ADAMTS12: variants seen among roughly 807,000 people sequenced by gnomAD.
The protein encoded by ADAMTS12 is A disintegrin and metalloproteinase with thrombospondin motifs 12.
Under a neutral mutation model 167.8 loss-of-function variants are expected in ADAMTS12, and 118 were observed. The observed-to-expected ratio is 0.70, with a 90% CI of 0.61 to 0.82. The LOEUF is 0.82. ADAMTS12 is among the 40% of genes least tolerant of loss of function. The pLI is 0.00. For synonymous variants in ADAMTS12, 704 were observed against 716.9 expected, an observed-to-expected ratio of 0.98 and a Z score of 0.29; for missense variants, 1,916 against 1,998.8, an observed-to-expected ratio of 0.96 and a Z score of 0.79.
chr5:33,717,054 T>G (rs889010925), intron 3 of ADAMTS12, among the ~76,000 whole-genome samples: 1 of 151,922 alleles, frequency 6.6e-6, no homozygotes, highest in Non-Finnish European at 1.5e-5. Context: ...CCCTATAGAG[T>G]TATGACTCTA....
chr5:33,672,624 C>T (rs1238570537), intron 5 of ADAMTS12, among the ~76,000 whole-genome samples: 1 of 152,174 alleles, frequency 6.6e-6, no homozygotes, highest in Admixed American at 6.5e-5. Flanking sequence ...GCTTCAATCA[C>T]CAGTTTGAAA....
intron 20 of ADAMTS12, 119 bp from the exon 21 acceptor site, chr5:33,549,502 C>T (rs1278600110): frequency 9.7e-6 from 12 of 1,231,102 alleles, no homozygotes; most frequent in African/African-American, 1.5e-5. Flanking sequence ...GGTCTAGTTC[C>T]GGTGAACCCT....
At chr5:33,732,083 A>G (rs1330101986) in intron 3 of ADAMTS12, among the ~76,000 whole-genome samples, 1 of 152,164 alleles carries the variant, frequency 6.6e-6, no homozygotes, top group Non-Finnish European at 1.5e-5. Flanking sequence ...ATGTCTACCC[A>G]GCACCAGGAC....
chr5:33,657,760 A>G (rs148912654), intron 7 of ADAMTS12, among the ~76,000 whole-genome samples: 15 of 152,342 alleles, frequency 9.8e-5, no homozygotes, highest in Non-Finnish European at 2.1e-4. Context: ...AGCAGATTCA[A>G]TGATGCAATG....
At chr5:33,562,346 C>T (rs16891329) in intron 19 of ADAMTS12, among the ~76,000 whole-genome samples, 4,648 of 152,212 alleles carry the variant, frequency 0.031, 202 homozygotes, top group South Asian at 0.22. Context: ...TCTTAAATAT[C>T]TCAGGTTTAG....
At chr5:33,712,071 A>C (rs545426866) in intron 3 of ADAMTS12, among the ~76,000 whole-genome samples, 1 of 152,290 alleles carries the variant, frequency 6.6e-6, no homozygotes, top group East Asian at 1.9e-4. Context: ...GTTCTACCTC[A>C]GTTTACTCAT....
At chr5:33,649,524 G>T (rs756226417) in intron 8 of ADAMTS12, 30 bp downstream of exon 8, 5 of 1,609,238 alleles carry the variant, frequency 3.1e-6, no homozygotes, top group Non-Finnish European at 4.2e-6. Flanking sequence ...AGAGACCCAG[G>T]TGAGGGCGTC....
At chr5:33,681,691 A>G (rs1742123493) in intron 5 of ADAMTS12, among the ~76,000 whole-genome samples, 1 of 152,224 alleles carries the variant, frequency 6.6e-6, no homozygotes, top group Non-Finnish European at 1.5e-5. Flanking sequence ...CTGGTCACTG[A>G]GACCTCTCTG....
intron 2 of ADAMTS12, among the ~76,000 whole-genome samples, chr5:33,875,151 TC>T (rs1750177742): frequency 4.6e-5 from 7 of 152,236 alleles, no homozygotes; most frequent in Admixed American, 3.9e-4. Flanking sequence ...ACTAAAAAGA[TC>T]AGTGGTTTCC....
At chr5:33,682,129 G>T (rs886068073) in intron 5 of ADAMTS12, among the ~76,000 whole-genome samples, 1 of 152,218 alleles carries the variant, frequency 6.6e-6, no homozygotes, top group Non-Finnish European at 1.5e-5. Context: ...TGTGATGACT[G>T]CAGAGATGAC....
intron 6 of ADAMTS12, among the ~76,000 whole-genome samples, chr5:33,660,525 A>C (rs1741221692): frequency 6.6e-6 from 1 of 152,204 alleles, no homozygotes; most frequent in Non-Finnish European, 1.5e-5. Flanking sequence ...TCTTCAGGTG[A>C]GAATGACAGG....
At chr5:33,720,080 C>A (rs1423476) in intron 3 of ADAMTS12, among the ~76,000 whole-genome samples, 92,684 of 151,854 alleles carry the variant, frequency 0.61, 29,604 homozygotes, top group Non-Finnish European at 0.71. Flanking sequence ...CACACACACA[C>A]AAAATGCTCC....
chr5:33,614,089 A>G, intron 16 of ADAMTS12, 149 bp downstream of exon 16: 3 of 1,064,720 alleles, frequency 2.8e-6, no homozygotes, highest in Non-Finnish European at 3.9e-6. Flanking sequence ...AACCATGCCC[A>G]TGTTCACTGT....
intron 2 of ADAMTS12, among the ~76,000 whole-genome samples, chr5:33,763,298 G>A (rs972052481): frequency 6.6e-6 from 1 of 152,156 alleles, no homozygotes; most frequent in Non-Finnish European, 1.5e-5. Context: ...GCCCTTATAA[G>A]AGGAAGGCAA....
chr5:33,574,971 T>C (rs1032443615), intron 19 of ADAMTS12, among the ~76,000 whole-genome samples: 9 of 152,222 alleles, frequency 5.9e-5, no homozygotes, highest in African/African-American at 2.2e-4. Flanking sequence ...AACAAGTTTG[T>C]ATACTGCATA....
At chr5:33,610,009 G>A (rs536741811) in intron 16 of ADAMTS12, among the ~76,000 whole-genome samples, 3 of 151,836 alleles carry the variant, frequency 2.0e-5, no homozygotes, top group South Asian at 2.1e-4. Context: ...GAGAAACCCC[G>A]TCTCTACTAA....
At chr5:33,719,846 C>T (rs1266291473) in intron 3 of ADAMTS12, among the ~76,000 whole-genome samples, 1 of 152,072 alleles carries the variant, frequency 6.6e-6, no homozygotes, top group Non-Finnish European at 1.5e-5. Flanking sequence ...GCCTTTCTGC[C>T]CATAGCCTAA....
intron 2 of ADAMTS12, among the ~76,000 whole-genome samples, chr5:33,832,728 GT>G (rs1178765437): frequency 6.6e-6 from 1 of 152,114 alleles, no homozygotes; most frequent in East Asian, 1.9e-4. Flanking sequence ...TGAAAGGATG[GT>G]TACAAAGAGC....
At chr5:33,572,668 A>T (rs1746446202) in intron 19 of ADAMTS12, among the ~76,000 whole-genome samples, 1 of 141,196 alleles carries the variant, frequency 7.1e-6, no homozygotes, top group East Asian at 2.0e-4. Context: ...AACTGGAAGC[A>T]TTCCCTTTGA....
Sources: gnomAD v4.1 joint callset for allele counts (sites outside exome capture counted in the v4.1 genomes callset) on GRCh38, gnomAD v4.1.1 for gene constraint, MANE v1.5 for transcripts, NCBI Gene and HGNC (gene_info 2026-07-23, HGNC 2026-07-21) for gene names.